The following RAPGEF4 variants were observed in gnomAD, a reference collection of about 807,000 sequenced individuals.
The protein encoded by RAPGEF4 is RAP guanine-nucleotide-exchange factor (GEF) 4.
A neutral mutation model predicts 147.9 loss-of-function variants in RAPGEF4; 66 were observed. That is an observed-to-expected ratio of 0.45 (90% CI 0.37 to 0.55). RAPGEF4 has a LOEUF of 0.55. Ranked by LOEUF, RAPGEF4 falls within the 20% of genes least tolerant of loss-of-function variation. RAPGEF4 has a pLI of 0.00. For missense variants in RAPGEF4, 1,071 were observed against 1,257.3 expected, an observed-to-expected ratio of 0.85 and a Z score of 2.24; for synonymous variants, 419 against 442.7, an observed-to-expected ratio of 0.95 and a Z score of 0.67.
At chr2:172,777,588 C>T (rs374435716) in intron 1 of RAPGEF4, among the ~76,000 whole-genome samples, 2 of 152,158 alleles carry the variant, frequency 1.3e-5, no homozygotes, top group Non-Finnish European at 2.9e-5. Context: ...AGACCCCCCC[C>T]ATGCTAAACT....
intron 4 of RAPGEF4, among the ~76,000 whole-genome samples, chr2:172,824,387 C>T (rs1173069836): frequency 3.3e-5 from 5 of 152,196 alleles, no homozygotes; most frequent in Admixed American, 3.3e-4. Context: ...TTCACCATTC[C>T]CCTTTGTGCT....
At chr2:172,803,864 G>A (rs969267257) in intron 3 of RAPGEF4, among the ~76,000 whole-genome samples, 1 of 152,142 alleles carries the variant, frequency 6.6e-6, no homozygotes, top group African/African-American at 2.4e-5. Flanking sequence ...CAAATCTCTA[G>A]GGTAGGGATA....
chr2:173,050,952 C>T (rs1273272140), intron 30 of RAPGEF4, among the ~76,000 whole-genome samples: 2 of 152,126 alleles, frequency 1.3e-5, no homozygotes, highest in Admixed American at 1.3e-4. Context: ...CCCTGATCTT[C>T]ATTAAATTGG....
intron 4 of RAPGEF4, among the ~76,000 whole-genome samples, chr2:172,853,856 T>G (rs1693125719): frequency 7.0e-6 from 1 of 143,138 alleles, no homozygotes; most frequent in Admixed American, 7.2e-5. Flanking sequence ...TTGTTGGTAT[T>G]GATTTTTGGT....
At chr2:172,963,798 A>T (rs1365483698) in intron 8 of RAPGEF4, among the ~76,000 whole-genome samples, 1 of 152,158 alleles carries the variant, frequency 6.6e-6, no homozygotes, top group East Asian at 1.9e-4. Flanking sequence ...TTGCCACAGT[A>T]TTCGGGGGCT....
Position 172,985,535 on chromosome 2 carries a change from C to A in RAPGEF4, c.1150+42C>A, listed in dbSNP as rs73017505. On this transcript the variant is annotated intron_variant, in intron 12 of 30. Transcript: ENST00000397081. ...ACTGGAACCTTGCGCCTGGCCAGCA[C>A]CCTTGCAAGCACATGCCACGGGAAG... 1.5e-4 allele frequency: 240 copies of A among 1,594,422 alleles called. No homozygotes were observed. The African/African-American group carries it at 2.6e-3, about 18-fold the overall frequency.
At chr2:172,976,935 C>A (rs1156788720) in intron 10 of RAPGEF4, among the ~76,000 whole-genome samples, 2 of 152,342 alleles carry the variant, frequency 1.3e-5, no homozygotes, top group African/African-American at 4.8e-5. Context: ...CAGAATGCAT[C>A]CCCTGCAGAA....
chr2:173,003,293 C>T (rs73017516), intron 17 of RAPGEF4, among the ~76,000 whole-genome samples: 103 of 152,124 alleles, frequency 6.8e-4, no homozygotes, highest in African/African-American at 2.3e-3. Flanking sequence ...ATGATACTGG[C>T]GGGCAGGGAG....
intron 1 of RAPGEF4, among the ~76,000 whole-genome samples, chr2:172,780,577 G>C (rs1684590188): frequency 6.6e-6 from 1 of 152,262 alleles, no homozygotes; most frequent in African/African-American, 2.4e-5. Flanking sequence ...AGGGCAGAGA[G>C]CTTTTTTTTG....
At chr2:173,026,976 C>G (rs1274056419) in intron 24 of RAPGEF4, 105 bp from the exon 25 acceptor site, 3 of 1,061,294 alleles carry the variant, frequency 2.8e-6, no homozygotes, top group Non-Finnish European at 4.0e-6. Flanking sequence ...GTCTGATTGA[C>G]TTCACATTTG....
At chr2:172,843,420 A>G (rs1359895193) in intron 4 of RAPGEF4, among the ~76,000 whole-genome samples, 1 of 152,252 alleles carries the variant, frequency 6.6e-6, no homozygotes, top group Non-Finnish European at 1.5e-5. Flanking sequence ...TCCCACAGTG[A>G]GTTCTGAACA....
intron 4 of RAPGEF4, among the ~76,000 whole-genome samples, chr2:172,916,416 T>C (rs1391162401): frequency 6.6e-6 from 1 of 152,168 alleles, no homozygotes; most frequent in Non-Finnish European, 1.5e-5. Context: ...CCTGTTTTGT[T>C]TACAGTCCAG....
At chr2:172,955,633 G>A (rs1688649769) in intron 6 of RAPGEF4, among the ~76,000 whole-genome samples, 1 of 152,196 alleles carries the variant, frequency 6.6e-6, no homozygotes, top group Non-Finnish European at 1.5e-5. Flanking sequence ...TCATTGGAGA[G>A]GGGTCCATGC....
At chr2:173,017,866 G>A (rs1398271872) in intron 21 of RAPGEF4, among the ~76,000 whole-genome samples, 1 of 152,142 alleles carries the variant, frequency 6.6e-6, no homozygotes, top group Non-Finnish European at 1.5e-5. Context: ...CCAGCATCCT[G>A]CCCAGGGACA....
chr2:172,824,574 T>G (rs1689458152), intron 4 of RAPGEF4, among the ~76,000 whole-genome samples: 1 of 152,226 alleles, frequency 6.6e-6, no homozygotes, highest in Non-Finnish European at 1.5e-5. Flanking sequence ...TGGCAGTCAG[T>G]ACTTTAGAGT....
chr2:173,043,494 G>C (rs919928436), intron 29 of RAPGEF4, among the ~76,000 whole-genome samples: 1 of 152,212 alleles, frequency 6.6e-6, no homozygotes. Context: ...ATGAGGTGGC[G>C]TGGCCTGGAG....
chr2:172,892,217 G>A (rs1205290322), intron 4 of RAPGEF4, among the ~76,000 whole-genome samples: 1 of 152,158 alleles, frequency 6.6e-6, no homozygotes, highest in Non-Finnish European at 1.5e-5. Context: ...CTGTCCCTGA[G>A]GTCCAGCTAG....
At chr2:172,798,197 G>A (rs1437463237) in intron 3 of RAPGEF4, among the ~76,000 whole-genome samples, 1 of 151,620 alleles carries the variant, frequency 6.6e-6, no homozygotes, top group African/African-American at 2.4e-5. Flanking sequence ...TGAGGAGTTT[G>A]GCATCCTAGT....
chr2:172,983,613 C>T, intron 11 of RAPGEF4, 33 bp downstream of exon 11: 2 of 1,608,744 alleles, frequency 1.2e-6, no homozygotes, highest in Non-Finnish European at 1.7e-6. Flanking sequence ...ATGGTTGGAG[C>T]ACTTTGCAAT....
Sources: gnomAD v4.1 joint callset for allele counts (sites outside exome capture counted in the v4.1 genomes callset) on GRCh38, gnomAD v4.1.1 for gene constraint, MANE v1.5 for transcripts, NCBI Gene and HGNC (gene_info 2026-07-23, HGNC 2026-07-21) for gene names.